Variants in ANP32A observed in about 807,000 individuals in gnomAD.
ANP32A encodes acidic leucine-rich nuclear phosphoprotein 32 family member A.
In ANP32A, 1 loss-of-function variant was observed where a neutral mutation model predicts 33.9. That is an observed-to-expected ratio of 0.03 (90% CI 0.01 to 0.14). ANP32A has a LOEUF of 0.14. Ranked by LOEUF, ANP32A falls within the 10% of genes least tolerant of loss-of-function variation. The pLI, the probability that ANP32A is intolerant of heterozygous loss-of-function variation, is 1.00. For synonymous variants in ANP32A, 115 were observed against 120.5 expected (o/e 0.95, Z 0.30); for missense variants, 155 against 306.0 (o/e 0.51, Z 3.68).
At chr15:68,791,039 A>C (rs959192142) in intron 1 of ANP32A, 6 of 152,164 alleles carry the variant, frequency 3.9e-5, no homozygotes, top group African/African-American at 1.4e-4. Context: ...TCCCAAAGCA[A>C]AGCCGAGAAA....
Position 68,780,221 on chromosome 15 carries a change from G to A in ANP32A, c.689-79C>T. On this transcript the variant is annotated intron_variant, in intron 6 of 6. Transcript: ENST00000465139. This position sits in a 1 kb window ranked among gnomAD's most constrained non-coding sequence, Gnocchi z 4.3. Reference sequence around the variant, plus strand: ...CTCAACCCACCCAGTGAGAAGTCAGGGGACCCATGACTAGCAAGCTGTGCC... The same window carrying A: ...CTCAACCCACCCAGTGAGAAGTCAGAGGACCCATGACTAGCAAGCTGTGCC... 5.0e-6 allele frequency: 8 copies of A among 1,590,118 alleles called. No individual in the cohort carries two copies. Among genetic ancestry groups the A allele is most frequent in the East Asian group, 2.2e-5 (1 of 44,680 alleles).
chr15:68,790,451 C>G (rs1893985271), intron 1 of ANP32A: 1 of 152,192 alleles, frequency 6.6e-6, no homozygotes, highest in Non-Finnish European at 1.5e-5. Context: ...GTTTCGGAGC[C>G]CTGACGAGGC....
intron 1 of ANP32A, among the ~76,000 whole-genome samples, chr15:68,816,393 C>T (rs1424744762): frequency 6.6e-6 from 1 of 151,986 alleles, no homozygotes; most frequent in East Asian, 1.9e-4. Context: ...TGCACAATGA[C>T]GATGATAATA....
chr15:68,820,871 G>GC lies in ANP32A; in HGVS notation c.-121dup. On this transcript the variant is annotated 5_prime_UTR_variant, in exon 1 of 7. Transcript: ENST00000465139. Reference sequence around the variant, plus strand: ...TCAACCAGCTCCGCTCGGTTCTCGAGCCCCCAGCACCCGCGGCGCACACTA... The same window carrying GC: ...TCAACCAGCTCCGCTCGGTTCTCGAGCCCCCCAGCACCCGCGGCGCACACTA... 8.2e-7 allele frequency: 1 copy of GC among 1,215,012 alleles called. No individual in the cohort carries two copies. The highest frequency in any genetic ancestry group is 1.2e-6 in the Non-Finnish European group (1 of 845,202). The allele number at this position is 1,215,012 out of a possible 1,614,324, so 75.3% of individuals were successfully genotyped here. A position where few individuals can be genotyped will look rare whatever the true frequency, so the allele number is the denominator to read the frequency against.
chr15:68,800,743 CA>C (rs398070692), intron 1 of ANP32A, among the ~76,000 whole-genome samples: 19 of 83,622 alleles, frequency 2.3e-4, no homozygotes, highest in African/African-American at 5.5e-4. Context: ...GACTCCGTCT[CA>C]AAAAAAAAAA....
chr15:68,782,093 A>T (rs1893876945), intron 5 of ANP32A, among the ~76,000 whole-genome samples: 1 of 151,674 alleles, frequency 6.6e-6, no homozygotes, highest in Non-Finnish European at 1.5e-5. Flanking sequence ...TCACTTTAAA[A>T]CTCTCTAGTT....
At chr15:68,810,413 A>AGTGT (rs1029248521) in intron 1 of ANP32A, among the ~76,000 whole-genome samples, 2 of 151,838 alleles carry the variant, frequency 1.3e-5, no homozygotes, top group African/African-American at 4.8e-5. Context: ...GAGGATCATG[A>AGTGT]GTGTGTGTGT....
intron 1 of ANP32A, among the ~76,000 whole-genome samples, chr15:68,808,032 G>C (rs963122613): frequency 6.6e-6 from 1 of 152,172 alleles, no homozygotes; most frequent in Non-Finnish European, 1.5e-5. Flanking sequence ...GTGGGGATGT[G>C]GGGGGCAGGT....
chr15:68,798,148 C>T (rs1292950479), intron 1 of ANP32A, among the ~76,000 whole-genome samples: 2 of 152,244 alleles, frequency 1.3e-5, no homozygotes, highest in African/African-American at 2.4e-5. Context: ...CGGGAGCTGT[C>T]TGCTTAGGAA....
chr15:68,811,898 G>A lies in ANP32A; in HGVS notation c.54+8800C>T, dbSNP rs538719668. ...ATTACAGGCACCTGCCACGACACCC[G>A]GCTGATTTTTTTTTTTGTATTTTTA... On this transcript the variant is annotated intron_variant, in intron 1 of 6. Transcript: ENST00000465139. Among the ~76,000 whole-genome samples the A allele has an allele frequency of 3.7e-4, 22 of 59,256 alleles. No individual in the cohort carries two copies. In the South Asian group the frequency reaches 4.2e-3, roughly 11 times the overall value. 38.9% of individuals were successfully genotyped at this position (59,256 alleles called of 152,430 possible). A position where few individuals can be genotyped will look rare whatever the true frequency, so the allele number is the denominator to read the frequency against.
chr15:68,795,667 A>G (rs957372709), intron 1 of ANP32A, among the ~76,000 whole-genome samples: 3 of 152,228 alleles, frequency 2.0e-5, no homozygotes. Flanking sequence ...GACTCAGGGC[A>G]GTACTCCGCA....
At chr15:68,782,787 T>G in intron 5 of ANP32A, 169 bp downstream of exon 5, 1 of 1,254,070 alleles carries the variant, frequency 8.0e-7, no homozygotes, top group Non-Finnish European at 1.1e-6. Context: ...AAGTCTTGTC[T>G]CCCCAGAAAC....
At chr15:68,818,314 GA>G in intron 1 of ANP32A, 1 of 234,440 alleles carries the variant, frequency 4.3e-6, no homozygotes, top group South Asian at 3.6e-5. Flanking sequence ...GAGAGGTGCC[GA>G]AGGTGGGTGT....
At chr15:68,806,691 C>T (rs1172882032) in intron 1 of ANP32A, among the ~76,000 whole-genome samples, 1 of 152,256 alleles carries the variant, frequency 6.6e-6, no homozygotes, top group Non-Finnish European at 1.5e-5. Flanking sequence ...TCAGGCCTAC[C>T]AGAGACAGCT....
In ANP32A at chr15:68,820,843, G is replaced by A. The variant is rs1894465753; in HGVS notation, c.-92C>T. On this transcript the variant is annotated 5_prime_UTR_variant, in exon 1 of 7. Transcript: ENST00000465139. ...CGGCCGCGCGTTTTAGGACTTTGAA[G>A]GCTCAACCAGCTCCGCTCGGTTCTC... is the stretch of plus-strand genomic sequence containing the variant. 2.0e-6 allele frequency: 3 copies of A among 1,480,826 alleles called. No homozygotes were observed. The highest frequency in any genetic ancestry group is 1.9e-6 in the Non-Finnish European group (2 of 1,067,398). 91.7% of individuals were successfully genotyped at this position (1,480,826 alleles called of 1,614,324 possible). A position where few individuals can be genotyped will look rare whatever the true frequency, so the allele number is the denominator to read the frequency against.
intron 1 of ANP32A, chr15:68,817,590 G>T (rs1331421335): frequency 6.6e-6 from 1 of 152,322 alleles, no homozygotes; most frequent in East Asian, 1.9e-4. Context: ...AGAGCGATCG[G>T]TTAGTCCTTA....
At position 68,809,719 on chromosome 15, in the gene ANP32A, C is replaced by T. The variant is rs549523981; in HGVS notation, c.54+10979G>A. 6.6e-5 allele frequency among the ~76,000 whole-genome samples: 10 copies of T among 151,336 alleles called. No homozygotes were observed. The South Asian group carries it at 1.9e-3, about 28-fold the overall frequency. On this transcript the variant is annotated intron_variant, in intron 1 of 6. Coordinates refer to ENST00000465139, the MANE Select transcript of ANP32A (RefSeq NM_006305.4). ...GGTGCGGGTGTGAAGGTGTGCGCTT[C>T]GTTTCAGTGGCTTCGTGCTTGATGT...
At chr15:68,788,282 C>T (rs1893958114) in intron 1 of ANP32A, among the ~76,000 whole-genome samples, 1 of 152,228 alleles carries the variant, frequency 6.6e-6, no homozygotes, top group Admixed American at 6.5e-5. Flanking sequence ...TCTCCCAAAA[C>T]CCACATGCAC....
Position 68,780,331 on chromosome 15 carries a change from G to A in ANP32A, c.688+79C>T. ...CAGGAGTGTCCTGCCCACTGCCAGG[G>A]GCCTCTGAGTCTAAGCAATCTAAGG... On this transcript the variant is annotated intron_variant, in intron 6 of 6. Transcript: ENST00000465139. This position sits in a 1 kb window ranked among gnomAD's most constrained non-coding sequence, Gnocchi z 4.3. 6.2e-7 allele frequency: 1 copy of A among 1,607,552 alleles called. No homozygotes were observed. The highest frequency in any genetic ancestry group is 1.7e-5 in the Admixed American group (1 of 59,006).
Sources: allele counts gnomAD v4.1 joint callset (sites outside exome capture counted in the v4.1 genomes callset), GRCh38; gene constraint gnomAD v4.1.1; non-coding constraint Gnocchi (gnomAD v3.1); transcripts MANE v1.5; gene names NCBI Gene and HGNC (gene_info 2026-07-23, HGNC 2026-07-21).